Variants in RBM46 observed in about 807,000 individuals in gnomAD.
The protein encoded by RBM46 is RNA binding motif protein 46, also known as probable RNA-binding protein 46.
In RBM46, 12 loss-of-function variants were observed where a neutral mutation model predicts 43.3. The ratio of observed to expected loss-of-function variants is 0.28; its 90% confidence interval spans 0.18 to 0.45. The LOEUF is 0.45. Among genes scored for constraint, RBM46 ranks in the 20% least tolerant of loss-of-function variants. The pLI, the probability that RBM46 is intolerant of heterozygous loss-of-function variation, is 1.00. For synonymous variants in RBM46, 205 were observed against 207.6 expected (o/e 0.99, Z 0.11); for missense variants, 412 against 639.1 (o/e 0.64, Z 3.83).
intron 1 of RBM46, among the ~76,000 whole-genome samples, chr4:154,784,748 G>A (rs1037418619): frequency 3.3e-5 from 5 of 152,184 alleles, no homozygotes; most frequent in Non-Finnish European, 5.9e-5. Context: ...GCAGGGTAAG[G>A]AAATAAGTTT....
intron 4 of RBM46, among the ~76,000 whole-genome samples, chr4:154,805,026 T>C (rs965369325): frequency 1.3e-5 from 2 of 152,094 alleles, no homozygotes; most frequent in Non-Finnish European, 2.9e-5. Flanking sequence ...CTGACCTCAG[T>C]TGTAAACCCT....
intron 4 of RBM46, among the ~76,000 whole-genome samples, chr4:154,821,299 G>A (rs974356642): frequency 1.3e-5 from 2 of 151,686 alleles, no homozygotes; most frequent in African/African-American, 4.8e-5. Context: ...GAATTACAAG[G>A]ACTGATTTTA....
intron 4 of RBM46, among the ~76,000 whole-genome samples, chr4:154,810,023 A>G (rs1175054830): frequency 6.6e-6 from 1 of 152,150 alleles, no homozygotes; most frequent in Non-Finnish European, 1.5e-5. Flanking sequence ...GAAATTGGAA[A>G]GGATTCAAAG....
chr4:154,784,796 G>C (rs1374516405), intron 1 of RBM46, among the ~76,000 whole-genome samples: 2 of 152,170 alleles, frequency 1.3e-5, no homozygotes, highest in Non-Finnish European at 2.9e-5. Flanking sequence ...ACCTGAAAGT[G>C]GCAGAGGACA....
At chr4:154,785,543 GT>G (rs1733718027) in intron 1 of RBM46, among the ~76,000 whole-genome samples, 1 of 152,026 alleles carries the variant, frequency 6.6e-6, no homozygotes, top group African/African-American at 2.4e-5. Flanking sequence ...AGTAATCACA[GT>G]TTTTGCCATT....
intron 1 of RBM46, among the ~76,000 whole-genome samples, chr4:154,791,983 G>A (rs1734117053): frequency 6.6e-6 from 1 of 152,014 alleles, no homozygotes; most frequent in Admixed American, 6.6e-5. Context: ...AAAAAAAATT[G>A]TGAAAAAAAT....
intron 1 of RBM46, among the ~76,000 whole-genome samples, chr4:154,795,531 C>T (rs528895710): frequency 6.6e-6 from 1 of 151,972 alleles, no homozygotes; most frequent in African/African-American, 2.4e-5. Context: ...AGGATCTTGC[C>T]CTGTTGCCCA....
chr4:154,791,566 G>T (rs1206022939), intron 1 of RBM46, among the ~76,000 whole-genome samples: 1 of 152,146 alleles, frequency 6.6e-6, no homozygotes. Flanking sequence ...TTCAAATGCA[G>T]TTATATGAAA....
chr4:154,805,677 G>C (rs1734874173), intron 4 of RBM46, among the ~76,000 whole-genome samples: 1 of 151,698 alleles, frequency 6.6e-6, no homozygotes, highest in Non-Finnish European at 1.5e-5. Context: ...ATTATTTCCA[G>C]ATTGATGGGC....
At chr4:154,801,814 C>CATAT (rs1432661011) in intron 4 of RBM46, among the ~76,000 whole-genome samples, 4 of 152,106 alleles carry the variant, frequency 2.6e-5, no homozygotes, top group Non-Finnish European at 5.9e-5. Context: ...AACTATATAG[C>CATAT]ATAGTTAAAC....
At chr4:154,819,859 T>C (rs1243984857) in intron 4 of RBM46, among the ~76,000 whole-genome samples, 3 of 152,114 alleles carry the variant, frequency 2.0e-5, no homozygotes, top group African/African-American at 7.2e-5. Context: ...TTCAAGTAGA[T>C]AAAATTTAGC....
chr4:154,804,704 C>T (rs1430435078), intron 4 of RBM46, among the ~76,000 whole-genome samples: 1 of 151,374 alleles, frequency 6.6e-6, no homozygotes, highest in African/African-American at 2.4e-5. Context: ...ACTTGTATGG[C>T]TATTGGAAAA....
chr4:154,801,810 A>C (rs1379526639), intron 4 of RBM46, among the ~76,000 whole-genome samples: 1 of 152,212 alleles, frequency 6.6e-6, no homozygotes, highest in Non-Finnish European at 1.5e-5. Flanking sequence ...AGTTAACTAT[A>C]TAGCATAGTT....
rs1735229102 is a variant in RBM46 at position 154,812,505 on chromosome 4, CCAGAT to C, written c.1402+12942_1402+12946del. On this transcript the variant is annotated intron_variant, in intron 4 of 4. Coordinates refer to ENST00000281722, the MANE Select transcript of RBM46 (RefSeq NM_144979.5). ...CAGATGATATATGTCTTTCCCCCAT[CCAGAT>C]TCTAGACAGAACATCAAACAGGCAA... Among the ~76,000 whole-genome samples, 3 of 152,306 alleles carry C rather than the reference CCAGAT, an allele frequency of 2.0e-5. No homozygotes were observed. The South Asian group carries it at 6.2e-4, about 32-fold the overall frequency.
In RBM46 at chr4:154,799,393, G is replaced by A; in HGVS notation, c.1231G>A (p.Glu411Lys). 3 of 1,614,036 alleles carry A rather than the reference G, an allele frequency of 1.9e-6. No homozygotes were observed. Among genetic ancestry groups the A allele is most frequent in the South Asian group, 1.1e-5 (1 of 91,042 alleles). ...CAACAAAAATAACTGGGCACCACCAGAATATTATTTATATTCAACAACAAG... is the reference window on the plus strand; with the variant it reads ...CAACAAAAATAACTGGGCACCACCAAAATATTATTTATATTCAACAACAAG... Reference protein sequence around the residue: ...YCNKNNWAPPEYYLYSTTSQD... With the variant: ...YCNKNNWAPPKYYLYSTTSQD... Residue 411 changes from glutamate to lysine, a missense_variant, in exon 4 of 5, where the codon GAA becomes AAA. Physicochemically the swap from Glu to Lys is moderately conservative, Grantham distance 56 (BLOSUM62 1). Transcript: ENST00000281722.
intron 4 of RBM46, among the ~76,000 whole-genome samples, chr4:154,812,044 G>T (rs751947289): frequency 1.3e-5 from 2 of 149,502 alleles, no homozygotes; most frequent in Non-Finnish European, 3.0e-5. Flanking sequence ...TAACAAACAG[G>T]CTTCAGTATG....
At chr4:154,811,078 A>T (rs1480792642) in intron 4 of RBM46, among the ~76,000 whole-genome samples, 1 of 152,180 alleles carries the variant, frequency 6.6e-6, no homozygotes, top group Non-Finnish European at 1.5e-5. Flanking sequence ...TAGACCTTAC[A>T]TTCTATTGAG....
chr4:154,797,733 G>C, intron 2 of RBM46, 78 bp from the exon 3 acceptor site: 1 of 1,011,324 alleles, frequency 9.9e-7, no homozygotes, highest in Non-Finnish European at 1.4e-6. Flanking sequence ...CAGCAAATTT[G>C]TTGAATGAAT....
At chr4:154,827,423 G>A (rs561569471) in intron 4 of RBM46, 1 of 994,890 alleles carries the variant, frequency 1.0e-6, no homozygotes, top group South Asian at 4.5e-5. Flanking sequence ...TTGCAGTCCA[G>A]GGGTGAATGT....
Sources: allele counts gnomAD v4.1 joint callset (sites outside exome capture counted in the v4.1 genomes callset), GRCh38; gene constraint gnomAD v4.1.1; transcripts MANE v1.5; gene names NCBI Gene and HGNC (gene_info 2026-07-23, HGNC 2026-07-21).